Variants in PIEZO2 observed in about 807,000 individuals in gnomAD.
The protein encoded by PIEZO2 is piezo type mechanosensitive ion channel component 2.
PIEZO2 carries 172 observed loss-of-function variants against 337.3 expected under a neutral mutation model. That is an observed-to-expected ratio of 0.51 (90% CI 0.45 to 0.58). The LOEUF is 0.58. Ranked by LOEUF, PIEZO2 falls within the 20% of genes least tolerant of loss-of-function variation. PIEZO2 has a pLI of 0.00. For synonymous variants in PIEZO2, 1,251 were observed against 1,228.5 expected (o/e 1.02, Z -0.38); for missense variants, 3,028 against 3,391.3 (o/e 0.89, Z 2.66).
chr18:10,705,756 G>A lies in PIEZO2; in HGVS notation c.5589-10C>T, dbSNP rs562943173. 1.3e-6 allele frequency: 2 copies of A among 1,510,746 alleles called. No homozygotes were observed. Among genetic ancestry groups the A allele is most frequent in the South Asian group, 2.5e-5 (2 of 80,664 alleles). 93.6% of individuals were successfully genotyped at this position (1,510,746 alleles called of 1,614,324 possible). On this transcript the variant is annotated splice_polypyrimidine_tract_variant and intron_variant, in intron 40 of 55. Coordinates refer to ENST00000674853, the MANE Select transcript of PIEZO2 (RefSeq NM_001378183.1). ...ACACTGCGTGGGCTCGCTGTTGGGA[G>A]AAAGCGTGGGCACAGAGCCCATGTC...
chr18:10,905,772 C>T (rs1346514113), intron 4 of PIEZO2, among the ~76,000 whole-genome samples: 1 of 152,004 alleles, frequency 6.6e-6, no homozygotes, highest in African/African-American at 2.4e-5. Flanking sequence ...TTGACTTTTT[C>T]CTAAGTCCAC....
In PIEZO2 at chr18:11,109,139, A is replaced by G. The variant is rs1479546340; in HGVS notation, c.64+39386T>C. Among the ~76,000 whole-genome samples the G allele has an allele frequency of 2.0e-5, 3 of 152,150 alleles. No individual in the cohort carries two copies. Among genetic ancestry groups the G allele is most frequent in the Non-Finnish European group, 4.4e-5 (3 of 68,034 alleles). ...CATCCCTCTCCTAAGGACGCTGAGT[A>G]AACAGTCTGCACAGCTTACAAACCA... On this transcript the variant is annotated intron_variant, in intron 1 of 55. Coordinates refer to ENST00000674853, the MANE Select transcript of PIEZO2 (RefSeq NM_001378183.1). The surrounding 1 kb of genome is among the most constrained non-coding windows in gnomAD (Gnocchi z 5.1).
chr18:10,928,918 C>A (rs534910907), intron 3 of PIEZO2, among the ~76,000 whole-genome samples: 1 of 152,174 alleles, frequency 6.6e-6, no homozygotes, highest in Non-Finnish European at 1.5e-5. Flanking sequence ...GTCAAACATT[C>A]CCCTGTCCTA....
chr18:11,103,988 G>C (rs2039491030), intron 1 of PIEZO2, among the ~76,000 whole-genome samples: 1 of 152,108 alleles, frequency 6.6e-6, no homozygotes, highest in South Asian at 2.1e-4. Context: ...ACCACACCCA[G>C]CTAAGTGGTC....
Position 10,705,527 on chromosome 18 carries a change from C to G in PIEZO2, c.5808G>C (p.Gly1936=), listed in dbSNP as rs2035543828. 6.5e-7 allele frequency: 1 copy of G among 1,537,116 alleles called. No homozygotes were observed. The part of the protein sequence containing the change: ...EELTQFSTLD[G]DVEAPPSYSK... ...TGTAGGAGGGTGGGGCCTCCACATC[C>G]CCGTCCAAGGTGGAGAACTGTGTCA... Residue 1936 remains glycine, a synonymous_variant, in exon 41 of 56, where the codon GGG becomes GGC. Coordinates refer to ENST00000674853, the MANE Select transcript of PIEZO2 (RefSeq NM_001378183.1).
At chr18:10,928,700 T>C (rs1005038599) in intron 3 of PIEZO2, among the ~76,000 whole-genome samples, 7 of 152,216 alleles carry the variant, frequency 4.6e-5, no homozygotes, top group African/African-American at 1.7e-4. Context: ...GGATCTAACA[T>C]TATAATAGCC....
chr18:11,139,580 C>A (rs535499738), intron 1 of PIEZO2, among the ~76,000 whole-genome samples: 3 of 152,038 alleles, frequency 2.0e-5, no homozygotes, highest in Admixed American at 6.6e-5. Context: ...CCCACCTAGA[C>A]GATGGGAGCA....
At chr18:11,017,463 T>A (rs532123063) in intron 2 of PIEZO2, among the ~76,000 whole-genome samples, 1 of 148,872 alleles carries the variant, frequency 6.7e-6, no homozygotes, top group East Asian at 1.9e-4. Context: ...ATGCCTTTTT[T>A]TTTTGAGATG....
intron 2 of PIEZO2, among the ~76,000 whole-genome samples, chr18:10,991,169 C>CACATACATACATATATACATATATATAT (rs2035078511): frequency 6.6e-6 from 1 of 150,846 alleles, no homozygotes; most frequent in South Asian, 2.1e-4. Flanking sequence ...CACACACACA[C>CACATACATACATATATACATATATATAT]ACACACACAC....
At chr18:11,039,120 C>G (rs559871425) in intron 2 of PIEZO2, among the ~76,000 whole-genome samples, 3 of 152,156 alleles carry the variant, frequency 2.0e-5, no homozygotes, top group Non-Finnish European at 4.4e-5. Context: ...AAGGAAAGAA[C>G]AGAACGAATA....
intron 21 of PIEZO2, among the ~76,000 whole-genome samples, chr18:10,768,713 C>G (rs1883840168): frequency 6.6e-6 from 1 of 152,090 alleles, no homozygotes; most frequent in Non-Finnish European, 1.5e-5. Context: ...AGGCTGTTTT[C>G]CCAAGAGTGT....
At position 11,039,748 on chromosome 18, in the gene PIEZO2, G is replaced by GCACACACA. The variant is rs72175382; in HGVS notation, c.160+26371_160+26378dup. ...CTTAAGTTGAATCTATTTTAAATAG[G>GCACACACA]CACACACACACACACACACACACAC... On this transcript the variant is annotated intron_variant, in intron 2 of 55. Transcript: ENST00000674853. 4.1e-3 allele frequency among the ~76,000 whole-genome samples: 583 copies of GCACACACA among 140,560 alleles called. 3 individuals carry two copies. The highest frequency in any genetic ancestry group is 9.0e-3 in the South Asian group (40 of 4,450). 92.2% of individuals were successfully genotyped at this position (140,560 alleles called of 152,430 possible).
At chr18:10,936,868 T>A (rs763404108) in intron 3 of PIEZO2, among the ~76,000 whole-genome samples, 1 of 152,222 alleles carries the variant, frequency 6.6e-6, no homozygotes, top group Non-Finnish European at 1.5e-5. Flanking sequence ...CTGGCAGGAA[T>A]CCTGCAGTGA....
intron 2 of PIEZO2, among the ~76,000 whole-genome samples, chr18:11,060,641 A>G (rs1317660078): frequency 6.6e-6 from 1 of 152,260 alleles, no homozygotes; most frequent in African/African-American, 2.4e-5. Flanking sequence ...CTATGCAAAT[A>G]AACTAGAAAA....
intron 7 of PIEZO2, among the ~76,000 whole-genome samples, chr18:10,832,510 C>G (rs2040874131): frequency 6.6e-6 from 1 of 152,190 alleles, no homozygotes; most frequent in African/African-American, 2.4e-5. Flanking sequence ...TACCCAATGC[C>G]TACAGCGCCT....
chr18:10,671,690 T>C lies in PIEZO2; in HGVS notation c.8435A>G (p.Glu2812Gly). Residue 2812 changes from glutamate to glycine, a missense_variant, in exon 56 of 56, where the codon GAA becomes GGA. Transcript: ENST00000674853. ...AATTCGATCCACATTTGGAAGCTCT[T>C]CAAACATGATGGAGTGAGAAATCCC... Reference protein sequence around the residue: ...FSGISHSIMFEELPNVDRILK... With the variant: ...FSGISHSIMFGELPNVDRILK... The C allele has an allele frequency of 1.2e-6, 2 of 1,614,038 alleles. No homozygotes were observed. The highest frequency in any genetic ancestry group is 1.7e-6 in the Non-Finnish European group (2 of 1,179,990).
At chr18:11,010,531 T>C (rs2035861437) in intron 2 of PIEZO2, among the ~76,000 whole-genome samples, 1 of 152,216 alleles carries the variant, frequency 6.6e-6, no homozygotes, top group African/African-American at 2.4e-5. Context: ...ACGTCTGCAC[T>C]GGAAGTGCAC....
intron 27 of PIEZO2, among the ~76,000 whole-genome samples, chr18:10,753,476 C>G (rs2037723368): frequency 6.6e-6 from 1 of 152,180 alleles, no homozygotes; most frequent in African/African-American, 2.4e-5. Flanking sequence ...GAAGGTGAGG[C>G]CAGCGTTCCG....
In PIEZO2 at chr18:11,148,714, C is replaced by T. The variant is rs1026756637; in HGVS notation, c.-126G>A. 8.6e-6 allele frequency: 9 copies of T among 1,042,230 alleles called. No individual in the cohort carries two copies. The highest frequency in any genetic ancestry group is 1.2e-5 in the Non-Finnish European group (9 of 720,632). 64.6% of individuals were successfully genotyped at this position (1,042,230 alleles called of 1,614,324 possible). On this transcript the variant is annotated 5_prime_UTR_variant, in exon 1 of 56. Transcript: ENST00000674853. This position sits in a 1 kb window ranked among gnomAD's most constrained non-coding sequence, Gnocchi z 5.2. Reference sequence around the variant, plus strand: ...CAGCTCGCAGCCACCCGAGCATCGCCTCGGCGCGGGCCGCGACGCTCTCCG... The same window carrying T: ...CAGCTCGCAGCCACCCGAGCATCGCTTCGGCGCGGGCCGCGACGCTCTCCG...
Sources: gnomAD v4.1 joint callset for allele counts (sites outside exome capture counted in the v4.1 genomes callset) on GRCh38, gnomAD v4.1.1 for gene constraint, Gnocchi (gnomAD v3.1) non-coding constraint, MANE v1.5 for transcripts, NCBI Gene and HGNC (gene_info 2026-07-23, HGNC 2026-07-21) for gene names.